The following PLAGL1 variants were observed in gnomAD, a reference collection of about 807,000 sequenced individuals.
PLAGL1 encodes the protein PLAG1 like zinc finger 1.
A neutral mutation model predicts 4.6 loss-of-function variants in PLAGL1; 1 was observed. The observed-to-expected ratio is 0.22, with a 90% confidence interval of 0.08 to 1.03. PLAGL1 has a LOEUF of 1.03. PLAGL1 is among the 50% of genes least tolerant of loss of function. The pLI is 0.58. For missense variants in PLAGL1, 464 were observed against 570.4 expected (o/e 0.81, Z 1.90); for synonymous variants, 240 against 237.8 (o/e 1.01, Z -0.08).
chr6:143,998,264 C>G (rs895953581), intron 1 of PLAGL1, among the ~76,000 whole-genome samples: 8 of 152,140 alleles, frequency 5.3e-5, no homozygotes, highest in Non-Finnish European at 1.0e-4. Flanking sequence ...GAAAGCAAAG[C>G]TTTCACTGTG....
rs1778389643 is a variant in PLAGL1, at chr6:143,940,653, T to TAATC, written c.*767_*770dup. ...TTTTCTTAAATTCCTGTTAAAAATA[T>TAATC]AATCAATATTAAAGTCAGCAAAATG... On this transcript the variant is annotated 3_prime_UTR_variant, in exon 8 of 8. Transcript: ENST00000674357. 2 of 152,398 alleles carry TAATC rather than the reference T, an allele frequency of 1.3e-5. No homozygotes were observed. Among genetic ancestry groups the TAATC allele is most frequent in the South Asian group, 2.1e-4 (1 of 4,836 alleles). 9.4% of individuals were successfully genotyped at this position (152,398 alleles called of 1,614,324 possible).
At chr6:144,057,982 A>G (rs1799112933) in intron 1 of PLAGL1, among the ~76,000 whole-genome samples, 1 of 152,172 alleles carries the variant, frequency 6.6e-6, no homozygotes, top group Admixed American at 6.5e-5. Context: ...AAATTTATAC[A>G]CCTATACTAA....
chr6:144,022,814 T>C lies in PLAGL1; in HGVS notation c.-151+41654A>G, dbSNP rs919985567. On this transcript the variant is annotated intron_variant, in intron 1 of 3. Transcript: ENST00000437412. This position sits in a 1 kb window ranked among gnomAD's most constrained non-coding sequence, Gnocchi z 4.2. Reference sequence around the variant, plus strand: ...CCTTTATAAATTATGCAGTCTCAGGTATGTCTTTATTGCAGCATGAGAACA... The same window carrying C: ...CCTTTATAAATTATGCAGTCTCAGGCATGTCTTTATTGCAGCATGAGAACA... 2.0e-5 allele frequency among the ~76,000 whole-genome samples: 3 copies of C among 152,196 alleles called. No homozygotes were observed. Among genetic ancestry groups the C allele is most frequent in the Non-Finnish European group, 4.4e-5 (3 of 68,036 alleles).
At position 144,063,009 on chromosome 6, in the gene PLAGL1, C is replaced by T. The variant is rs1799544686; in HGVS notation, c.-151+1459G>A. ...CATCCTCCACCGGCTGGAGCTGGCTCACTTTTCATCCTGCTGACAATTTTC... is the reference window on the plus strand; with the variant it reads ...CATCCTCCACCGGCTGGAGCTGGCTTACTTTTCATCCTGCTGACAATTTTC... On this transcript the variant is annotated intron_variant, in intron 1 of 3. Coordinates refer to the PLAGL1 transcript ENST00000437412. The surrounding 1 kb of genome is among the most constrained non-coding windows in gnomAD (Gnocchi z 5.7). Among the ~76,000 whole-genome samples the T allele has an allele frequency of 6.6e-6, 1 of 152,166 alleles. No homozygotes were observed. Among genetic ancestry groups the T allele is most frequent in the Non-Finnish European group, 1.5e-5 (1 of 68,030 alleles).
chr6:144,022,742 T>G lies in PLAGL1; in HGVS notation c.-151+41726A>C, dbSNP rs1212067939. Among the ~76,000 whole-genome samples the G allele has an allele frequency of 6.6e-6, 1 of 152,236 alleles. No homozygotes were observed. Among genetic ancestry groups the G allele is most frequent in the Non-Finnish European group, 1.5e-5 (1 of 68,040 alleles). On this transcript the variant is annotated intron_variant, in intron 1 of 3. Coordinates refer to the PLAGL1 transcript ENST00000437412. This position sits in a 1 kb window ranked among gnomAD's most constrained non-coding sequence, Gnocchi z 4.2. ...GTCTCTTGCTCTTCCACCATGATTG[T>G]GAGGCCTCCCCAGCCATGTGGAACT...
rs886620159 is a variant in PLAGL1, at chr6:143,989,383, T to C, written c.-583-4209A>G. On this transcript the variant is annotated intron_variant, in intron 1 of 7. Transcript: ENST00000674357. This position sits in a 1 kb window ranked among gnomAD's most constrained non-coding sequence, Gnocchi z 4.8. Reference sequence around the variant, plus strand: ...TGGATGAAATCAACACTTGTGTTGGTGGAGTTCGGAGCATACCACCCTCCC... The same window carrying C: ...TGGATGAAATCAACACTTGTGTTGGCGGAGTTCGGAGCATACCACCCTCCC... 2.0e-5 allele frequency among the ~76,000 whole-genome samples: 3 copies of C among 152,200 alleles called. No homozygotes were observed. The highest frequency in any genetic ancestry group is 7.2e-5 in the African/African-American group (3 of 41,450).
chr6:144,027,076 TAGTC>T lies in PLAGL1; in HGVS notation c.-151+37388_-151+37391del, dbSNP rs944609317. Among the ~76,000 whole-genome samples, 5 of 151,512 alleles carry T rather than the reference TAGTC, an allele frequency of 3.3e-5. No homozygotes were observed. The highest frequency in any genetic ancestry group is 7.4e-5 in the Non-Finnish European group (5 of 67,944). ...TCTACAAAAACAAAATTAAAAAAAT[TAGTC>T]AGCCGCGGTGGCATGCATCTGTGAT... On this transcript the variant is annotated intron_variant, in intron 1 of 3. Transcript: ENST00000437412. The surrounding 1 kb of genome is among the most constrained non-coding windows in gnomAD (Gnocchi z 5.8).
chr6:144,006,637 G>A lies in PLAGL1; in HGVS notation c.-584+1453C>T, dbSNP rs1321582892. ...TGTTGAAACACAAAAATACTTCATT[G>A]GCCACTGTACAGTGTGCCCTTTTTA... On this transcript the variant is annotated intron_variant, in intron 1 of 7. Transcript: ENST00000674357. This position sits in a 1 kb window ranked among gnomAD's most constrained non-coding sequence, Gnocchi z 4.3. The A allele has an allele frequency of 6.6e-6, 1 of 150,400 alleles. No individual in the cohort carries two copies. Among genetic ancestry groups the A allele is most frequent in the Non-Finnish European group, 1.5e-5 (1 of 67,742 alleles). The allele number at this position is 150,400 out of a possible 1,614,324, so 9.3% of individuals were successfully genotyped here. A position where few individuals can be genotyped will look rare whatever the true frequency, so the allele number is the denominator to read the frequency against.
intron 1 of PLAGL1, among the ~76,000 whole-genome samples, chr6:144,054,693 T>C (rs1296237070): frequency 1.3e-5 from 2 of 151,564 alleles, no homozygotes; most frequent in Non-Finnish European, 2.9e-5. Flanking sequence ...CAGCAAACCA[T>C]GGCACACATA....
At position 143,965,199 on chromosome 6, in the gene PLAGL1, C is replaced by A. The variant is rs543700298; in HGVS notation, c.-430-381G>T. 2 of 152,092 alleles carry A rather than the reference C, an allele frequency of 1.3e-5. No individual in the cohort carries two copies. The highest frequency in any genetic ancestry group is 2.1e-4 in the South Asian group (1 of 4,822). 9.4% of individuals were successfully genotyped at this position (152,092 alleles called of 1,614,324 possible). A position where few individuals can be genotyped will look rare whatever the true frequency, so the allele number is the denominator to read the frequency against. ...CAGTACTTGCAGCACCAAATGGGCA[C>A]GTCTAAGGGGTCCGGGCTTTGAAAT... On this transcript the variant is annotated intron_variant, in intron 4 of 7. Coordinates refer to ENST00000674357, the MANE Select transcript of PLAGL1 (RefSeq NM_001317162.2). This position sits in a 1 kb window ranked among gnomAD's most constrained non-coding sequence, Gnocchi z 7.5.
chr6:143,980,850 C>G (rs1484705222), intron 2 of PLAGL1, among the ~76,000 whole-genome samples: 1 of 152,170 alleles, frequency 6.6e-6, no homozygotes. Flanking sequence ...TACAGTTAAG[C>G]TACTTCAAAC....
rs1336966447 is a variant in PLAGL1, at chr6:144,053,095, G to A, written c.-151+11373C>T. Among the ~76,000 whole-genome samples, 2 of 152,038 alleles carry A rather than the reference G, an allele frequency of 1.3e-5. No individual in the cohort carries two copies. The highest frequency in any genetic ancestry group is 3.8e-4 in the East Asian group (2 of 5,198). The stretch of plus-strand genomic sequence containing the variant: ...TTTTAACTGATGCTCAACCATATTG[G>A]GTCATCCTTATCAGCTACAACCACA... On this transcript the variant is annotated intron_variant, in intron 1 of 3. Transcript: ENST00000437412. This position sits in a 1 kb window ranked among gnomAD's most constrained non-coding sequence, Gnocchi z 4.0.
In PLAGL1 at chr6:144,027,230, CGAACGAAA is replaced by C. The variant is rs1166587726; in HGVS notation, c.-151+37230_-151+37237del. ...CAGAGAAAGACCCCAACTCAAAGAA[CGAACGAAA>C]GAAAGAAAGAAAGAAAGAAAGAAAG... is the stretch of plus-strand genomic sequence containing the variant. On this transcript the variant is annotated intron_variant, in intron 1 of 3. Coordinates refer to the PLAGL1 transcript ENST00000437412. The surrounding 1 kb of genome is among the most constrained non-coding windows in gnomAD (Gnocchi z 5.8). Among the ~76,000 whole-genome samples, 333 of 99,166 alleles carry C rather than the reference CGAACGAAA, an allele frequency of 3.4e-3. 5 individuals carry two copies. The highest frequency in any genetic ancestry group is 5.3e-3 in the African/African-American group (129 of 24,172). The allele number at this position is 99,166 out of a possible 152,430, so 65.1% of individuals were successfully genotyped here.
In PLAGL1 at chr6:143,995,920, GAGA is replaced by G. The variant is rs1020866227; in HGVS notation, c.-583-10749_-583-10747del. 1.3e-5 allele frequency among the ~76,000 whole-genome samples: 2 copies of G among 152,144 alleles called. No individual in the cohort carries two copies. Among genetic ancestry groups the G allele is most frequent in the African/African-American group, 4.8e-5 (2 of 41,422 alleles). On this transcript the variant is annotated intron_variant, in intron 1 of 7. Transcript: ENST00000674357. The surrounding 1 kb of genome is among the most constrained non-coding windows in gnomAD (Gnocchi z 4.4). The stretch of plus-strand genomic sequence containing the variant: ...TGGCCAGCCATAAAGTTAAAGCAAA[GAGA>G]AGAACTGAAATCTAGACCTCTAATC...
At position 143,985,148 on chromosome 6, in the gene PLAGL1, G is replaced by A. The variant is rs1216802808; in HGVS notation, c.-557C>T. On this transcript the variant is annotated 5_prime_UTR_variant, in exon 2 of 8. Transcript: ENST00000674357. This position sits in a 1 kb window ranked among gnomAD's most constrained non-coding sequence, Gnocchi z 4.4. ...ATATCAGCTTACAAAAGCCAATCAC[G>A]ATGTTTATGAATCAGGCAGGAACAA... 2 of 152,286 alleles carry A rather than the reference G, an allele frequency of 1.3e-5. No homozygotes were observed. Among genetic ancestry groups the A allele is most frequent in the South Asian group, 4.1e-4 (2 of 4,830 alleles). The allele number at this position is 152,286 out of a possible 1,614,324, so 9.4% of individuals were successfully genotyped here. A position where few individuals can be genotyped will look rare whatever the true frequency, so the allele number is the denominator to read the frequency against.
At position 143,989,700 on chromosome 6, in the gene PLAGL1, C is replaced by T. The variant is rs1358935701; in HGVS notation, c.-583-4526G>A. Reference sequence around the variant, plus strand: ...TTCTTTGTAATCAATCTCTCTTTCTCTCTCCATATATGTATCCATGGGTAA... The same window carrying T: ...TTCTTTGTAATCAATCTCTCTTTCTTTCTCCATATATGTATCCATGGGTAA... On this transcript the variant is annotated intron_variant, in intron 1 of 7. Coordinates refer to ENST00000674357, the MANE Select transcript of PLAGL1 (RefSeq NM_001317162.2). This position sits in a 1 kb window ranked among gnomAD's most constrained non-coding sequence, Gnocchi z 4.8. Among the ~76,000 whole-genome samples, 1 of 152,202 alleles carries T rather than the reference C, an allele frequency of 6.6e-6. No individual in the cohort carries two copies. Among genetic ancestry groups the T allele is most frequent in the Non-Finnish European group, 1.5e-5 (1 of 68,034 alleles).
chr6:144,002,242 T>A (rs1296246592), intron 1 of PLAGL1, among the ~76,000 whole-genome samples: 1 of 152,170 alleles, frequency 6.6e-6, no homozygotes, highest in Non-Finnish European at 1.5e-5. Context: ...CGAAAGCAAT[T>A]CTCAGTGAAC....
intron 1 of PLAGL1, among the ~76,000 whole-genome samples, chr6:144,021,143 G>A (rs780497569): frequency 6.6e-6 from 1 of 151,936 alleles, no homozygotes; most frequent in Non-Finnish European, 1.5e-5. Context: ...ATAATGTAGA[G>A]CACAGAAACA....
At chr6:143,974,097 C>A (rs917351861) in intron 2 of PLAGL1, among the ~76,000 whole-genome samples, 1 of 152,178 alleles carries the variant, frequency 6.6e-6, no homozygotes, top group Non-Finnish European at 1.5e-5. Context: ...ATTACTCTGA[C>A]TGGTTACCTA....
Sources: allele counts gnomAD v4.1 joint callset (sites outside exome capture counted in the v4.1 genomes callset), GRCh38; gene constraint gnomAD v4.1.1; non-coding constraint Gnocchi (gnomAD v3.1); transcripts MANE v1.5; gene names NCBI Gene and HGNC (gene_info 2026-07-23, HGNC 2026-07-21).